MCTP1: variants seen among roughly 807,000 people sequenced by gnomAD.
MCTP1 encodes the protein multiple C2 and transmembrane domain containing 1, also known as multiple C2 and transmembrane domain-containing protein 1.
A neutral mutation model predicts 120.6 loss-of-function variants in MCTP1; 69 were observed. The ratio of observed to expected loss-of-function variants is 0.57; its 90% CI spans 0.47 to 0.70. MCTP1 has a LOEUF of 0.70. Ranked by LOEUF, MCTP1 falls within the 30% of genes least tolerant of loss-of-function variation. MCTP1 has a pLI of 0.00. For synonymous variants in MCTP1, 529 were observed against 493.1 expected, an observed-to-expected ratio of 1.07 and a Z score of -0.96; for missense variants, 1,203 against 1,248.8, an observed-to-expected ratio of 0.96 and a Z score of 0.55.
In MCTP1 at chr5:94,924,021, C is replaced by T; in HGVS notation, c.1213G>A (p.Glu405Lys). The change falls in exon 7 of 23, where the codon GAA becomes AAA. Residue 405 changes from glutamate (E) to lysine (K), a missense_variant and splice_region_variant. Around this residue, in one of 2 missense-constraint regions of MCTP1, gnomAD observed 740 missense variants for 871.1 expected, o/e 0.85. Transcript: ENST00000515393. The stretch of plus-strand genomic sequence containing the variant: ...CCAACCACTTCATTTTCTGAAAGTT[C>T]CTAGAAACAAACAAATATTTAGCTA... Reference protein sequence around the residue: ...MRKSWKRSSKELSENEVVGSY... With the variant: ...MRKSWKRSSKKLSENEVVGSY... 1 of 1,484,760 alleles carries T rather than the reference C, an allele frequency of 6.7e-7. No individual in the cohort carries two copies. Among genetic ancestry groups the T allele is most frequent in the Non-Finnish European group, 9.0e-7 (1 of 1,112,776 alleles). The allele number at this position is 1,484,760 out of a possible 1,614,324, so 92.0% of individuals were successfully genotyped here. A position where few individuals can be genotyped will look rare whatever the true frequency, so the allele number is the denominator to read the frequency against.
intron 1 of MCTP1, among the ~76,000 whole-genome samples, chr5:95,053,417 C>T (rs755532406): frequency 6.6e-5 from 10 of 152,200 alleles, no homozygotes; most frequent in Admixed American, 5.2e-4. Flanking sequence ...TTTTGGATAG[C>T]GGGGAGGAGT....
intron 18 of MCTP1, among the ~76,000 whole-genome samples, chr5:94,787,177 T>C (rs1173940194): frequency 1.3e-5 from 2 of 152,206 alleles, no homozygotes; most frequent in Admixed American, 1.3e-4. Flanking sequence ...CGGTGCACAG[T>C]GGAGATTTGT....
intron 2 of MCTP1, among the ~76,000 whole-genome samples, chr5:95,010,463 C>T (rs1581823655): frequency 1.3e-5 from 2 of 152,120 alleles, no homozygotes; most frequent in East Asian, 3.9e-4. Context: ...TCTCAAGTGA[C>T]ATAATACTAT....
At chr5:95,159,058 C>A (rs967727993) in intron 1 of MCTP1, among the ~76,000 whole-genome samples, 1 of 152,112 alleles carries the variant, frequency 6.6e-6, no homozygotes, top group Non-Finnish European at 1.5e-5. Flanking sequence ...TGACTTTAGG[C>A]AATCATACCA....
At chr5:95,226,793 T>C (rs1202964378) in intron 1 of MCTP1, among the ~76,000 whole-genome samples, 1 of 152,148 alleles carries the variant, frequency 6.6e-6, no homozygotes, top group Non-Finnish European at 1.5e-5. Context: ...TTTTAAACTA[T>C]GTTGATATCA....
At chr5:95,250,040 G>C (rs762987263) in intron 1 of MCTP1, among the ~76,000 whole-genome samples, 8 of 152,152 alleles carry the variant, frequency 5.3e-5, no homozygotes, top group Non-Finnish European at 1.2e-4. Context: ...ATAGCATTAA[G>C]AGAAATACCT....
rs986236880 is a variant in MCTP1, at chr5:94,843,435, T to G, written c.2436+24898A>C. 2.0e-5 allele frequency among the ~76,000 whole-genome samples: 3 copies of G among 152,188 alleles called. No individual in the cohort carries two copies. The South Asian group carries it at 6.2e-4, about 32-fold the overall frequency. ...AGAAAGGGCATCAGAGGTGATGGGA[T>G]GTAGGCGATTTGTCTGCTAACTCTG... On this transcript the variant is annotated intron_variant, in intron 17 of 22. Coordinates refer to ENST00000515393, the MANE Select transcript of MCTP1 (RefSeq NM_024717.7).
chr5:95,103,766 T>C (rs1756907209), intron 1 of MCTP1, among the ~76,000 whole-genome samples: 1 of 152,196 alleles, frequency 6.6e-6, no homozygotes, highest in Non-Finnish European at 1.5e-5. Flanking sequence ...GTTTCCATGC[T>C]GGTGGGTAAA....
intron 2 of MCTP1, among the ~76,000 whole-genome samples, chr5:94,971,242 A>G (rs1581636710): frequency 1.3e-5 from 2 of 152,114 alleles, no homozygotes; most frequent in South Asian, 4.1e-4. Flanking sequence ...ACATAAATGA[A>G]TTTTCTAGGA....
Position 94,868,492 on chromosome 5 carries a change from T to G in MCTP1, c.2317-40A>C, listed in dbSNP as rs140696606. The G allele has an allele frequency of 9.9e-5, 150 of 1,508,314 alleles. No individual in the cohort carries two copies. The African/African-American group carries it at 1.9e-3, about 19-fold the overall frequency. The allele number at this position is 1,508,314 out of a possible 1,614,324, so 93.4% of individuals were successfully genotyped here. A position where few individuals can be genotyped will look rare whatever the true frequency, so the allele number is the denominator to read the frequency against. On this transcript the variant is annotated intron_variant, in intron 16 of 22. Coordinates refer to ENST00000515393, the MANE Select transcript of MCTP1 (RefSeq NM_024717.7). ...AAAATATTATTATAATTTGCAAGAC[T>G]AAAAACCATCAGATATACTGCAAAA...
At chr5:94,782,974 G>A (rs1776890877) in intron 18 of MCTP1, among the ~76,000 whole-genome samples, 2 of 152,074 alleles carry the variant, frequency 1.3e-5, no homozygotes, top group Non-Finnish European at 2.9e-5. Context: ...TCGCTTGAAA[G>A]CAAGTAGTAT....
At chr5:95,207,274 G>T (rs1751731374) in intron 1 of MCTP1, among the ~76,000 whole-genome samples, 1 of 152,130 alleles carries the variant, frequency 6.6e-6, no homozygotes, top group Non-Finnish European at 1.5e-5. Flanking sequence ...AGAGCAGCAG[G>T]GGTGGTGAAT....
intron 19 of MCTP1, among the ~76,000 whole-genome samples, chr5:94,761,356 AT>A (rs1268991106): frequency 2.6e-5 from 4 of 152,212 alleles, no homozygotes; most frequent in African/African-American, 9.6e-5. Flanking sequence ...AGAAAGTGAA[AT>A]TTTTGGATGG....
At position 95,142,747 on chromosome 5, in the gene MCTP1, A is replaced by G. The variant is rs1024423375; in HGVS notation, c.721-125263T>C. Among the ~76,000 whole-genome samples, 10 of 152,302 alleles carry G rather than the reference A, an allele frequency of 6.6e-5. No homozygotes were observed. The East Asian group carries it at 1.9e-3, about 29-fold the overall frequency. On this transcript the variant is annotated intron_variant, in intron 1 of 22. Transcript: ENST00000515393. Reference sequence around the variant, plus strand: ...AAAAGAGCTCACCGGCCTCTGACCAACAATTGCCCTGAATCTTTCACCTCC... The same window carrying G: ...AAAAGAGCTCACCGGCCTCTGACCAGCAATTGCCCTGAATCTTTCACCTCC...
At chr5:94,984,531 C>A (rs1406957992) in intron 2 of MCTP1, among the ~76,000 whole-genome samples, 1 of 152,040 alleles carries the variant, frequency 6.6e-6, no homozygotes, top group East Asian at 1.9e-4. Flanking sequence ...GAACGCCAGA[C>A]TGATGAAATT....
intron 1 of MCTP1, among the ~76,000 whole-genome samples, chr5:95,137,204 G>A (rs990235241): frequency 1.3e-5 from 2 of 152,160 alleles, no homozygotes; most frequent in East Asian, 1.9e-4. Flanking sequence ...ACTAGAGGAG[G>A]CAGGAAGCTT....
chr5:94,801,680 A>G (rs986439781), intron 17 of MCTP1, among the ~76,000 whole-genome samples: 1 of 152,162 alleles, frequency 6.6e-6, no homozygotes, highest in African/African-American at 2.4e-5. Flanking sequence ...TTCCCTTGTA[A>G]TGTCCATTCA....
chr5:95,246,349 G>A (rs1254283004), intron 1 of MCTP1, among the ~76,000 whole-genome samples: 1 of 152,104 alleles, frequency 6.6e-6, no homozygotes, highest in East Asian at 1.9e-4. Flanking sequence ...AATGTAAATG[G>A]ACGAAATGCC....
intron 8 of MCTP1, among the ~76,000 whole-genome samples, chr5:94,914,069 T>G (rs2153447108): frequency 6.6e-6 from 1 of 152,234 alleles, no homozygotes; most frequent in East Asian, 1.9e-4. Flanking sequence ...GCAAGTCTAC[T>G]AAAAATGGCC....
Sources: gnomAD v4.1 joint callset for allele counts (sites outside exome capture counted in the v4.1 genomes callset) on GRCh38, gnomAD v4.1.1 for gene constraint, gnomAD v4.1.1 regional missense constraint, MANE v1.5 for transcripts, NCBI Gene and HGNC (gene_info 2026-07-23, HGNC 2026-07-21) for gene names.